The following PLCB4 variants were observed in gnomAD, a reference collection of about 807,000 sequenced individuals.
PLCB4 encodes the protein 1-phosphatidylinositol 4,5-bisphosphate phosphodiesterase beta-4.
In PLCB4, 77 loss-of-function variants were observed where a neutral mutation model predicts 178.8. That is an observed-to-expected ratio of 0.43 (90% CI 0.36 to 0.52). PLCB4 has a LOEUF of 0.52. Among genes scored for constraint, PLCB4 ranks in the 20% least tolerant of loss-of-function variants. The pLI is 0.00. For missense variants in PLCB4, 1,024 were observed against 1,453.4 expected (o/e 0.70, Z 4.80); for synonymous variants, 496 against 490.8 (o/e 1.01, Z -0.14).
intron 2 of PLCB4, among the ~76,000 whole-genome samples, chr20:9,199,155 C>G (rs2147177967): frequency 7.8e-6 from 1 of 129,012 alleles, no homozygotes. Context: ...AAAATAGTCT[C>G]TAGTCTTTTT....
At chr20:9,241,514 A>G (rs1282768234) in intron 3 of PLCB4, among the ~76,000 whole-genome samples, 1 of 152,196 alleles carries the variant, frequency 6.6e-6, no homozygotes, top group East Asian at 1.9e-4. Flanking sequence ...AATGAAAGAA[A>G]TGTGATAATT....
chr20:9,147,701 G>C (rs1368835048), intron 2 of PLCB4, among the ~76,000 whole-genome samples: 2 of 152,086 alleles, frequency 1.3e-5, no homozygotes, highest in Non-Finnish European at 2.9e-5. Context: ...TGGCAGAGGA[G>C]CAAGAATGAG....
At chr20:9,382,557 T>C (rs2037233554) in intron 13 of PLCB4, among the ~76,000 whole-genome samples, 2 of 152,210 alleles carry the variant, frequency 1.3e-5, no homozygotes, top group African/African-American at 4.8e-5. Flanking sequence ...TTGAATGATG[T>C]TGGCACGCAT....
chr20:9,473,453 C>A, intron 38 of PLCB4, 88 bp downstream of exon 38: 1 of 613,338 alleles, frequency 1.6e-6, no homozygotes, highest in Non-Finnish European at 2.9e-6. Flanking sequence ...CAGTGGCTTG[C>A]ATATTGTAAT....
intron 4 of PLCB4, among the ~76,000 whole-genome samples, chr20:9,321,905 T>A (rs1299892598): frequency 6.6e-6 from 1 of 151,934 alleles, no homozygotes; most frequent in African/African-American, 2.4e-5. Context: ...GTGCTGGTAT[T>A]ACAGGCGTGA....
chr20:9,446,357 C>T (rs895954453), intron 32 of PLCB4, among the ~76,000 whole-genome samples: 4 of 152,172 alleles, frequency 2.6e-5, no homozygotes, highest in Non-Finnish European at 5.9e-5. Flanking sequence ...AGTGACAGCA[C>T]ATGGGACATT....
intron 24 of PLCB4, 117 bp from the exon 25 acceptor site, chr20:9,410,920 A>G (rs1397034267): frequency 2.9e-6 from 2 of 697,422 alleles, no homozygotes; most frequent in Admixed American, 2.3e-5. Flanking sequence ...ACCTTGTAGT[A>G]TTAAAGAGGG....
At position 9,476,771 on chromosome 20, in the gene PLCB4, A is replaced by T. The variant is rs1360579283; in HGVS notation, c.3532+18A>T. 7 of 1,585,060 alleles carry T rather than the reference A, an allele frequency of 4.4e-6. No homozygotes were observed. The highest frequency in any genetic ancestry group is 1.7e-5 in the Admixed American group (1 of 59,890). ...AACGCAAGGTAGGACCGAAACTCTG[A>T]TAAGCAAGACGTTGCTTTCCTTCTC... On this transcript the variant is annotated intron_variant, in intron 39 of 39. Transcript: ENST00000378473.
intron 36 of PLCB4, among the ~76,000 whole-genome samples, chr20:9,469,274 C>T (rs968868872): frequency 1.3e-5 from 2 of 152,346 alleles, no homozygotes; most frequent in South Asian, 2.1e-4. Context: ...AGCCACTGCG[C>T]CCAGCCTATA....
At chr20:9,318,017 G>GC (rs2094918820) in intron 4 of PLCB4, among the ~76,000 whole-genome samples, 1 of 152,032 alleles carries the variant, frequency 6.6e-6, no homozygotes, top group Non-Finnish European at 1.5e-5. Flanking sequence ...GGGCTTGGTT[G>GC]CAGGCACCTG....
intron 32 of PLCB4, among the ~76,000 whole-genome samples, chr20:9,446,925 G>A (rs1417174612): frequency 2.6e-5 from 4 of 152,112 alleles, no homozygotes; most frequent in Non-Finnish European, 5.9e-5. Flanking sequence ...ACAAAAACAT[G>A]TTGTCTTTAA....
chr20:9,397,291 C>A (rs554233414), intron 19 of PLCB4, among the ~76,000 whole-genome samples: 1 of 152,278 alleles, frequency 6.6e-6, no homozygotes, highest in Admixed American at 6.5e-5. Context: ...GCAATTCAGC[C>A]CCATGTTCAG....
intron 2 of PLCB4, among the ~76,000 whole-genome samples, chr20:9,110,392 G>A (rs962407225): frequency 6.6e-6 from 1 of 152,072 alleles, no homozygotes; most frequent in Non-Finnish European, 1.5e-5. Flanking sequence ...TGTCTTGTAA[G>A]CTATCATTTC....
At chr20:9,120,678 A>C (rs1483662770) in intron 2 of PLCB4, among the ~76,000 whole-genome samples, 1 of 151,364 alleles carries the variant, frequency 6.6e-6, no homozygotes, top group African/African-American at 2.4e-5. Flanking sequence ...GCTCACCTCC[A>C]CTCACCTTCT....
intron 2 of PLCB4, among the ~76,000 whole-genome samples, chr20:9,173,649 ACT>A (rs2093103268): frequency 6.6e-6 from 1 of 151,400 alleles, no homozygotes. Context: ...ATCCCTCTGA[ACT>A]CTGTTTCTAT....
intron 17 of PLCB4, among the ~76,000 whole-genome samples, chr20:9,393,308 G>A (rs748495349): frequency 3.3e-5 from 5 of 152,160 alleles, no homozygotes; most frequent in Admixed American, 6.5e-5. Flanking sequence ...ACCCCTCCCC[G>A]GCACATCCCA....
At chr20:9,074,373 T>C (rs889511147) in intron 1 of PLCB4, among the ~76,000 whole-genome samples, 6 of 152,178 alleles carry the variant, frequency 3.9e-5, no homozygotes, top group African/African-American at 1.4e-4. Context: ...AGGAAAATCA[T>C]TACTTTAAGA....
At chr20:9,330,443 G>A (rs985857397) in intron 4 of PLCB4, among the ~76,000 whole-genome samples, 10 of 152,060 alleles carry the variant, frequency 6.6e-5, no homozygotes, top group Admixed American at 2.0e-4. Context: ...GGCAGTGTTC[G>A]TTTATTGACC....
chr20:9,306,510 G>A (rs747762374), intron 3 of PLCB4, among the ~76,000 whole-genome samples: 1 of 152,154 alleles, frequency 6.6e-6, no homozygotes, highest in Non-Finnish European at 1.5e-5. Context: ...CAACAATCTT[G>A]TTTTAAATTT....
Sources: allele counts gnomAD v4.1 joint callset (sites outside exome capture counted in the v4.1 genomes callset), GRCh38; gene constraint gnomAD v4.1.1; transcripts MANE v1.5; gene names NCBI Gene and HGNC (gene_info 2026-07-23, HGNC 2026-07-21).